ABHD16A: variants seen among roughly 807,000 people sequenced by gnomAD.
ABHD16A encodes the protein abhydrolase domain containing 16A, phospholipase.
A neutral mutation model predicts 89.8 loss-of-function variants in ABHD16A; 47 were observed. The observed-to-expected ratio is 0.52, with a 90% CI of 0.41 to 0.67. ABHD16A has a LOEUF of 0.67. Ranked by LOEUF, ABHD16A falls within the 30% of genes least tolerant of loss-of-function variation. ABHD16A has a pLI of 0.00. For missense variants in ABHD16A, 580 were observed against 734.6 expected (o/e 0.79, Z 2.43); for synonymous variants, 251 against 280.4 (o/e 0.90, Z 1.05).
At chr6:31,691,058 A>G (rs978396203) in intron 9 of ABHD16A, among the ~76,000 whole-genome samples, 8 of 152,134 alleles carry the variant, frequency 5.3e-5, no homozygotes, top group African/African-American at 7.2e-5. Context: ...ATGAACTCTC[A>G]TAACAGATGG....
Position 31,703,302 on chromosome 6 carries a change from C to T in ABHD16A, c.-21G>A, listed in dbSNP as rs762632689. On this transcript the variant is annotated 5_prime_UTR_variant, in exon 1 of 20. Coordinates refer to ENST00000395952, the MANE Select transcript of ABHD16A (RefSeq NM_021160.3). ...GCCATGGCCCCGGCTCGGGCCGCTGCTCTTCCAGCAGCAGGTCCCCCTGCC... is the reference window on the plus strand; with the variant it reads ...GCCATGGCCCCGGCTCGGGCCGCTGTTCTTCCAGCAGCAGGTCCCCCTGCC... 1 of 1,340,304 alleles carries T rather than the reference C, an allele frequency of 7.5e-7. No individual in the cohort carries two copies. Among genetic ancestry groups the T allele is most frequent in the Non-Finnish European group, 9.7e-7 (1 of 1,034,110 alleles). 83.0% of individuals were successfully genotyped at this position (1,340,304 alleles called of 1,614,324 possible).
Position 31,702,112 on chromosome 6 carries a change from G to A in ABHD16A, c.151C>T (p.Arg51Cys), listed in dbSNP as rs1248310839. The A allele has an allele frequency of 1.2e-6, 2 of 1,613,084 alleles. No homozygotes were observed. The highest frequency in any genetic ancestry group is 1.7e-6 in the Non-Finnish European group (2 of 1,180,032). The change falls in exon 2 of 20, where the codon CGT becomes TGT. Residue 51 changes from arginine to cysteine, a missense_variant. By Grantham distance (180) the Arg-to-Cys change is radical. Transcript: ENST00000395952. ...CTGTCAGCATGTTTCTCCAGGGCAC[G>A]GGGCTGATAGTACGTATCCTGCCAA... ...SSSWDTYYQPRALEKHADSIL... is the reference protein window; with the variant it reads ...SSSWDTYYQPCALEKHADSIL...
chr6:31,689,428 A>C (rs1460117409), intron 12 of ABHD16A, among the ~76,000 whole-genome samples, 153 bp downstream of exon 12: 1 of 152,164 alleles, frequency 6.6e-6, no homozygotes, highest in East Asian at 1.9e-4. Flanking sequence ...AAGTGTATGC[A>C]AATAGGATAG....
rs1803739356 is a variant in ABHD16A, at chr6:31,690,249, A to C, written c.908-122T>G. 1.0e-6 allele frequency: 1 copy of C among 960,030 alleles called. No homozygotes were observed. Among genetic ancestry groups the C allele is most frequent in the South Asian group, 1.7e-5 (1 of 58,608 alleles). 59.5% of individuals were successfully genotyped at this position (960,030 alleles called of 1,614,324 possible). A position where few individuals can be genotyped will look rare whatever the true frequency, so the allele number is the denominator to read the frequency against. On this transcript the variant is annotated intron_variant, in intron 10 of 19. Coordinates refer to ENST00000395952, the MANE Select transcript of ABHD16A (RefSeq NM_021160.3). The surrounding 1 kb of genome is among the most constrained non-coding windows in gnomAD (Gnocchi z 4.1). ...TGCAAATAACTCCAAGCCTTCCCAGAAATAGGAGATGACACCAGAGGTTCT... is the reference window on the plus strand; with the variant it reads ...TGCAAATAACTCCAAGCCTTCCCAGCAATAGGAGATGACACCAGAGGTTCT...
At chr6:31,703,081 C>A in intron 1 of ABHD16A, 69 bp downstream of exon 1, 3 of 1,372,896 alleles carry the variant, frequency 2.2e-6, no homozygotes, top group Non-Finnish European at 2.8e-6. Context: ...ATGGGCACTT[C>A]TGGGGAGCAA....
At chr6:31,701,377 A>G in intron 2 of ABHD16A, 37 bp from the exon 3 acceptor site, 1 of 1,484,762 alleles carries the variant, frequency 6.7e-7, no homozygotes, top group Non-Finnish European at 9.4e-7. Flanking sequence ...ATCAATACAC[A>G]CACACACACA....
At chr6:31,702,597 T>C (rs1805123473) in intron 1 of ABHD16A, 2 of 1,449,894 alleles carry the variant, frequency 1.4e-6, no homozygotes, top group Non-Finnish European at 1.8e-6. Context: ...GAAGAGAATA[T>C]TTAGAACAGC....
chr6:31,690,226 C>G lies in ABHD16A; in HGVS notation c.908-99G>C. Reference sequence around the variant, plus strand: ...GCAGAAGTACCCCCCAGCTTAGATGCAAATAACTCCAAGCCTTCCCAGAAA... The same window carrying G: ...GCAGAAGTACCCCCCAGCTTAGATGGAAATAACTCCAAGCCTTCCCAGAAA... On this transcript the variant is annotated intron_variant, in intron 10 of 19. Transcript: ENST00000395952. This position sits in a 1 kb window ranked among gnomAD's most constrained non-coding sequence, Gnocchi z 4.1. 1 of 1,152,982 alleles carries G rather than the reference C, an allele frequency of 8.7e-7. No individual in the cohort carries two copies. The highest frequency in any genetic ancestry group is 1.2e-6 in the Non-Finnish European group (1 of 819,318). 71.4% of individuals were successfully genotyped at this position (1,152,982 alleles called of 1,614,324 possible).
chr6:31,700,195 G>A (rs1227625624), intron 4 of ABHD16A, among the ~76,000 whole-genome samples: 6 of 151,036 alleles, frequency 4.0e-5, no homozygotes, highest in Non-Finnish European at 5.9e-5. Context: ...GCGCAATCTC[G>A]TCTCACTGCA....
chr6:31,693,499 C>G lies in ABHD16A; in HGVS notation c.430-67G>C. 6.8e-7 allele frequency: 1 copy of G among 1,480,532 alleles called. No individual in the cohort carries two copies. The highest frequency in any genetic ancestry group is 9.4e-7 in the Non-Finnish European group (1 of 1,066,856). The allele number at this position is 1,480,532 out of a possible 1,614,324, so 91.7% of individuals were successfully genotyped here. Reference sequence around the variant, plus strand: ...GGGAGGCTCTCCTACCCACCCTCAACAACACCTTCGTTATCCAGGGGTCTG... The same window carrying G: ...GGGAGGCTCTCCTACCCACCCTCAAGAACACCTTCGTTATCCAGGGGTCTG... On this transcript the variant is annotated intron_variant, in intron 5 of 19. Transcript: ENST00000395952. The surrounding 1 kb of genome is among the most constrained non-coding windows in gnomAD (Gnocchi z 5.0).
chr6:31,689,609 G>C lies in ABHD16A; in HGVS notation c.1053C>G (p.Ile351Met), dbSNP rs1803660949. Residue 351 changes from isoleucine (I) to methionine (M), a missense_variant, in exon 12 of 20, where the codon ATC becomes ATG. Coordinates refer to ENST00000395952, the MANE Select transcript of ABHD16A (RefSeq NM_021160.3). ...RLGFQPQDIIIYAWSIGGFTA... is the reference protein window; with the variant it reads ...RLGFQPQDIIMYAWSIGGFTA... ...TGAAGCCGCCGATGGACCAGGCGTA[G>C]ATGATGATGTCCTGGGGCTGGAAGC... 1.1e-5 allele frequency: 17 copies of C among 1,609,666 alleles called. No homozygotes were observed. Among genetic ancestry groups the C allele is most frequent in the Non-Finnish European group, 1.4e-5 (17 of 1,178,452 alleles).
chr6:31,692,948 C>A, intron 7 of ABHD16A, 79 bp downstream of exon 7: 1 of 1,595,526 alleles, frequency 6.3e-7, no homozygotes, highest in South Asian at 1.1e-5. Flanking sequence ...AGCTATTTTA[C>A]AATGGAGCGC....
intron 5 of ABHD16A, among the ~76,000 whole-genome samples, chr6:31,694,597 T>C (rs1206472923): frequency 6.6e-6 from 1 of 151,994 alleles, no homozygotes; most frequent in African/African-American, 2.4e-5. Context: ...TTCACCATGT[T>C]AGCCAGGATG....
intron 1 of ABHD16A, among the ~76,000 whole-genome samples, chr6:31,702,391 A>T (rs1805102370): frequency 6.6e-6 from 1 of 152,200 alleles, no homozygotes; most frequent in Non-Finnish European, 1.5e-5. Flanking sequence ...CTCCTTTTCC[A>T]CAGCCTAGTT....
intron 2 of ABHD16A, among the ~76,000 whole-genome samples, chr6:31,701,748 G>A (rs1432395011): frequency 2.6e-5 from 4 of 152,204 alleles, no homozygotes; most frequent in Non-Finnish European, 4.4e-5. Context: ...AAGAACAGCT[G>A]TCCCTGCAGC....
Position 31,693,754 on chromosome 6 carries a change from C to T in ABHD16A, c.430-322G>A, listed in dbSNP as rs917225884. On this transcript the variant is annotated intron_variant, in intron 5 of 19. Transcript: ENST00000395952. The surrounding 1 kb of genome is among the most constrained non-coding windows in gnomAD (Gnocchi z 5.0). The stretch of plus-strand genomic sequence containing the variant: ...TGAAGGTGCTAGTGCTTTTGAGTGA[C>T]GGGTAGTAGGGGTCGCTGGCTGGTC... Among the ~76,000 whole-genome samples the T allele has an allele frequency of 7.9e-5, 12 of 152,164 alleles. No individual in the cohort carries two copies. Among genetic ancestry groups the T allele is most frequent in the Non-Finnish European group, 1.5e-4 (10 of 68,030 alleles).
chr6:31,693,249 T>C lies in ABHD16A; in HGVS notation c.504-100A>G, dbSNP rs1023751562. 5.7e-6 allele frequency: 9 copies of C among 1,586,408 alleles called. No individual in the cohort carries two copies. Among genetic ancestry groups the C allele is most frequent in the African/African-American group, 1.3e-5 (1 of 74,376 alleles). On this transcript the variant is annotated intron_variant, in intron 6 of 19. Coordinates refer to ENST00000395952, the MANE Select transcript of ABHD16A (RefSeq NM_021160.3). This position sits in a 1 kb window ranked among gnomAD's most constrained non-coding sequence, Gnocchi z 5.0. ...GGGGTCTAGGAACGACATAATGGCA[T>C]TGGAAGGCAGGCACTGTGACCTGAG...
Position 31,693,231 on chromosome 6 carries a change from A to G in ABHD16A, c.504-82T>C. 1 of 1,588,972 alleles carries G rather than the reference A, an allele frequency of 6.3e-7. No individual in the cohort carries two copies. Among genetic ancestry groups the G allele is most frequent in the Non-Finnish European group, 8.6e-7 (1 of 1,163,890 alleles). The stretch of plus-strand genomic sequence containing the variant: ...TGAGGTCTGGAGAACAGTGGGGTCT[A>G]GGAACGACATAATGGCATTGGAAGG... On this transcript the variant is annotated intron_variant, in intron 6 of 19. Coordinates refer to ENST00000395952, the MANE Select transcript of ABHD16A (RefSeq NM_021160.3). The surrounding 1 kb of genome is among the most constrained non-coding windows in gnomAD (Gnocchi z 5.0).
chr6:31,688,117 G>C lies in ABHD16A; in HGVS notation c.1308-14C>G, dbSNP rs772025083. The C allele has an allele frequency of 7.4e-6, 12 of 1,610,746 alleles. No individual in the cohort carries two copies. Among genetic ancestry groups the C allele is most frequent in the Non-Finnish European group, 1.0e-5 (12 of 1,177,942 alleles). On this transcript the variant is annotated splice_polypyrimidine_tract_variant and intron_variant, in intron 15 of 19. Transcript: ENST00000395952. The surrounding 1 kb of genome is among the most constrained non-coding windows in gnomAD (Gnocchi z 4.9). ...TCCTCAGGAACCCTGGGGGTGAGAA[G>C]AATGTACCCTGGAGGGGCTGGAGGT... is the stretch of plus-strand genomic sequence containing the variant.
Sources: allele counts gnomAD v4.1 joint callset (sites outside exome capture counted in the v4.1 genomes callset), GRCh38; gene constraint gnomAD v4.1.1; non-coding constraint Gnocchi (gnomAD v3.1); transcripts MANE v1.5; gene names NCBI Gene and HGNC (gene_info 2026-07-23, HGNC 2026-07-21).